The following PRKRIP1 variants were observed in gnomAD, a reference collection of about 807,000 sequenced individuals.
The protein encoded by PRKRIP1 is PRKR-interacting protein 1.
A neutral mutation model predicts 29.3 loss-of-function variants in PRKRIP1; 29 were observed. The observed-to-expected ratio is 0.99, with a 90% CI of 0.74 to 1.35. PRKRIP1 has a LOEUF of 1.35. Among genes scored for constraint, PRKRIP1 ranks in the 40% most tolerant of loss-of-function variants. The pLI, the probability that PRKRIP1 is intolerant of heterozygous loss-of-function variation, is 0.00. For missense variants in PRKRIP1, 247 were observed against 236.8 expected, an observed-to-expected ratio of 1.04 and a Z score of -0.28; for synonymous variants, 90 against 85.1, an observed-to-expected ratio of 1.06 and a Z score of -0.32.
At chr7:102,398,671 A>C (rs1554570781) in intron 2 of PRKRIP1, among the ~76,000 whole-genome samples, 1 of 152,202 alleles carries the variant, frequency 6.6e-6, no homozygotes, top group African/African-American at 2.4e-5. Flanking sequence ...AAATTAACAT[A>C]TCTACAGGCT....
intron 3 of PRKRIP1, among the ~76,000 whole-genome samples, chr7:102,401,285 G>A (rs183200329): frequency 3.6e-4 from 55 of 152,286 alleles, no homozygotes; most frequent in African/African-American, 1.3e-3. Context: ...GAGTCAAAGA[G>A]CAGTGGATAT....
chr7:102,418,099 G>T, intron 5 of PRKRIP1, among the ~76,000 whole-genome samples: 1 of 149,454 alleles, frequency 6.7e-6, no homozygotes. Flanking sequence ...GCCCAGGCTG[G>T]AGTGCAATGG....
chr7:102,417,148 C>T (rs113806360), intron 5 of PRKRIP1, among the ~76,000 whole-genome samples: 11,116 of 151,840 alleles, frequency 0.073, 439 homozygotes, highest in African/African-American at 0.093. Context: ...AGCCACCACA[C>T]CTGGCTAATT....
rs976775382 is a variant in PRKRIP1 at position 102,404,373 on chromosome 7, C to A, written c.307-225C>A. 89 of 498,148 alleles carry A rather than the reference C, an allele frequency of 1.8e-4. No homozygotes were observed. The Admixed American group carries it at 2.8e-3, about 16-fold the overall frequency. The allele number at this position is 498,148 out of a possible 1,614,324, so 30.9% of individuals were successfully genotyped here. ...TATATTGTGCTATGCATGAGTGGTG[C>A]CTCAGTCAACTAAAAGAGTTACTTC... On this transcript the variant is annotated intron_variant, in intron 3 of 5. Coordinates refer to ENST00000397912, the MANE Select transcript of PRKRIP1 (RefSeq NM_024653.4).
rs782404425 is a variant in PRKRIP1, at chr7:102,397,712, G to C, written c.205+14G>C. The C allele has an allele frequency of 1.3e-5, 9 of 686,156 alleles. No homozygotes were observed. Among genetic ancestry groups the C allele is most frequent in the Middle Eastern group, 4.8e-4 (1 of 2,074 alleles). 42.5% of individuals were successfully genotyped at this position (686,156 alleles called of 1,614,324 possible). ...GAGATGTCATGGGTAATGGCTGTGT[G>C]TGTGTGTGTGTGTGTGTGTGTGTGT... On this transcript the variant is annotated intron_variant, in intron 2 of 5. Coordinates refer to ENST00000397912, the MANE Select transcript of PRKRIP1 (RefSeq NM_024653.4).
At chr7:102,411,968 G>A (rs907353083) in intron 5 of PRKRIP1, among the ~76,000 whole-genome samples, 3 of 151,102 alleles carry the variant, frequency 2.0e-5, no homozygotes, top group Non-Finnish European at 4.4e-5. Context: ...TTTTTGAGAC[G>A]GTCTCGCTCT....
chr7:102,414,152 A>G (rs138013819), intron 5 of PRKRIP1, among the ~76,000 whole-genome samples: 3,214 of 152,190 alleles, frequency 0.021, 123 homozygotes, highest in African/African-American at 0.074. Flanking sequence ...ACTTGAACCC[A>G]GGAGACGGTG....
At chr7:102,401,810 G>C (rs1021357613) in intron 3 of PRKRIP1, among the ~76,000 whole-genome samples, 4 of 152,332 alleles carry the variant, frequency 2.6e-5, no homozygotes, top group Non-Finnish European at 5.9e-5. Flanking sequence ...GGCTGAGGCA[G>C]GAGAATCACT....
In PRKRIP1 at chr7:102,398,268, T is replaced by G. The variant is rs1795969464; in HGVS notation, c.205+570T>G. ...ATTTTCTCCTGCAGTATTGCGGTTT[T>G]TTTTGTTTTTGTTTTTGTTTTTGTT... On this transcript the variant is annotated intron_variant, in intron 2 of 5. Coordinates refer to ENST00000397912, the MANE Select transcript of PRKRIP1 (RefSeq NM_024653.4). Among the ~76,000 whole-genome samples, 3 of 130,000 alleles carry G rather than the reference T, an allele frequency of 2.3e-5. No individual in the cohort carries two copies. The South Asian group carries it at 6.6e-4, about 29-fold the overall frequency. 85.3% of individuals were successfully genotyped at this position (130,000 alleles called of 152,430 possible).
At chr7:102,401,435 A>G (rs1796067548) in intron 3 of PRKRIP1, among the ~76,000 whole-genome samples, 1 of 152,202 alleles carries the variant, frequency 6.6e-6, no homozygotes. Flanking sequence ...TGAGTTAGAA[A>G]AAATTCTGCT....
chr7:102,409,805 CAG>C (rs781978088), intron 5 of PRKRIP1, among the ~76,000 whole-genome samples: 136 of 151,986 alleles, frequency 8.9e-4, no homozygotes, highest in Non-Finnish European at 1.0e-3. Flanking sequence ...GCCTGGGTGA[CAG>C]AGCAAGATTC....
chr7:102,422,991 C>G, intron 5 of PRKRIP1: 1 of 338,028 alleles, frequency 3.0e-6, no homozygotes, highest in Non-Finnish European at 6.1e-6. Context: ...GCAGCCCATA[C>G]TGCATTTTCA....
intron 5 of PRKRIP1, chr7:102,423,521 C>CTACA: frequency 4.6e-6 from 1 of 218,800 alleles, no homozygotes; most frequent in Admixed American, 5.3e-5. Context: ...GCAGCAAGTT[C>CTACA]CTCCACCTCT....
chr7:102,396,648 T>C, intron 1 of PRKRIP1, 111 bp downstream of exon 1: 1 of 1,174,704 alleles, frequency 8.5e-7, no homozygotes, highest in Non-Finnish European at 1.2e-6. Context: ...AGAAACTCAG[T>C]ATCCGACCCT....
At chr7:102,410,241 G>A (rs1314143479) in intron 5 of PRKRIP1, among the ~76,000 whole-genome samples, 1 of 152,144 alleles carries the variant, frequency 6.6e-6, no homozygotes, top group Non-Finnish European at 1.5e-5. Context: ...CACTGCTCTG[G>A]TGGCCCTCTA....
At chr7:102,398,886 T>C (rs188350282) in intron 2 of PRKRIP1, among the ~76,000 whole-genome samples, 35 of 152,272 alleles carry the variant, frequency 2.3e-4, no homozygotes, top group African/African-American at 6.3e-4. Flanking sequence ...TCCCAGCACT[T>C]TGGGAGGCCG....
In PRKRIP1 at chr7:102,425,364, A is replaced by G; in HGVS notation, c.*253A>G. Reference sequence around the variant, plus strand: ...CTGGTAAAGGGGGACAGAGAGCCTCACCTTGCCACATATTTGAACAGTGAT... The same window carrying G: ...CTGGTAAAGGGGGACAGAGAGCCTCGCCTTGCCACATATTTGAACAGTGAT... On this transcript the variant is annotated 3_prime_UTR_variant, in exon 6 of 6. Transcript: ENST00000397912. 1 of 604,146 alleles carries G rather than the reference A, an allele frequency of 1.7e-6. No homozygotes were observed. Among genetic ancestry groups the G allele is most frequent in the South Asian group, 1.9e-5 (1 of 53,718 alleles). The allele number at this position is 604,146 out of a possible 1,614,324, so 37.4% of individuals were successfully genotyped here.
intron 5 of PRKRIP1, among the ~76,000 whole-genome samples, chr7:102,417,391 G>T (rs1308761839): frequency 7.9e-5 from 12 of 152,102 alleles, no homozygotes; most frequent in African/African-American, 2.9e-4. Flanking sequence ...GAATCTACAT[G>T]CGTCATTGAA....
chr7:102,407,002 T>G (rs924576000), intron 4 of PRKRIP1, among the ~76,000 whole-genome samples: 1 of 151,798 alleles, frequency 6.6e-6, no homozygotes, highest in Non-Finnish European at 1.5e-5. Flanking sequence ...GATCACGAGG[T>G]AGGAGATCGA....
Sources: allele counts gnomAD v4.1 joint callset (sites outside exome capture counted in the v4.1 genomes callset), GRCh38; gene constraint gnomAD v4.1.1; transcripts MANE v1.5; gene names NCBI Gene and HGNC (gene_info 2026-07-23, HGNC 2026-07-21).